Variants in TEX14 observed in about 807,000 individuals in gnomAD.
TEX14 encodes testis expressed 14, intercellular bridge forming factor.
In TEX14, 168 loss-of-function variants were observed where a neutral mutation model predicts 178.6. The observed-to-expected ratio is 0.94, with a 90% CI of 0.83 to 1.07. The LOEUF (loss-of-function observed/expected upper bound fraction) is 1.07, where lower values mean the gene tolerates loss of function less well. Ranked by LOEUF, TEX14 falls within the 50% of genes least tolerant of loss-of-function variation. TEX14 has a pLI of 0.00. For missense variants in TEX14, 1,730 were observed against 1,753.6 expected, an observed-to-expected ratio of 0.99 and a Z score of 0.24; for synonymous variants, 626 against 634.1, an observed-to-expected ratio of 0.99 and a Z score of 0.19.
chr17:58,621,912 G>T, intron 4 of TEX14, 126 bp from the exon 5 acceptor site: 1 of 1,065,946 alleles, frequency 9.4e-7, no homozygotes. Context: ...CAAAAGGAAA[G>T]GGCCCAGGTG....
chr17:58,582,154 G>A (rs1746256669), intron 19 of TEX14, among the ~76,000 whole-genome samples: 1 of 152,158 alleles, frequency 6.6e-6, no homozygotes, highest in Admixed American at 6.5e-5. Context: ...CAGAACCTGT[G>A]AGTCCCTTGA....
intron 22 of TEX14, among the ~76,000 whole-genome samples, chr17:58,573,621 T>A (rs953698778): frequency 6.6e-6 from 1 of 152,046 alleles, no homozygotes; most frequent in Non-Finnish European, 1.5e-5. Flanking sequence ...CGGGTTCAAG[T>A]GATTCTCCTG....
At chr17:58,558,656 T>C (rs1037584728) in intron 30 of TEX14, among the ~76,000 whole-genome samples, 1 of 152,146 alleles carries the variant, frequency 6.6e-6, no homozygotes, top group African/African-American at 2.4e-5. Flanking sequence ...TCTCTTACTT[T>C]CCTGAGTAGG....
intron 1 of TEX14, among the ~76,000 whole-genome samples, chr17:58,691,443 C>A (rs28743180): frequency 4.6e-5 from 7 of 151,504 alleles, no homozygotes; most frequent in Non-Finnish European, 7.4e-5. Flanking sequence ...CCGAGGCAGG[C>A]GGATCACGAG....
At chr17:58,675,982 T>C (rs2047387899) in intron 1 of TEX14, among the ~76,000 whole-genome samples, 1 of 152,118 alleles carries the variant, frequency 6.6e-6, no homozygotes, top group African/African-American at 2.4e-5. Flanking sequence ...CTCACACATG[T>C]ATATCCCAGC....
chr17:58,667,326 C>T (rs114178216), intron 1 of TEX14, among the ~76,000 whole-genome samples: 2,232 of 152,288 alleles, frequency 0.015, 46 homozygotes, highest in African/African-American at 0.051. Context: ...ACTTGTTCCT[C>T]AGTTTGTAAA....
At chr17:58,668,934 G>A (rs557786894) in intron 1 of TEX14, among the ~76,000 whole-genome samples, 16 of 152,160 alleles carry the variant, frequency 1.1e-4, no homozygotes, top group Non-Finnish European at 2.2e-4. Flanking sequence ...TTTGTTCCGG[G>A]TATATATCAA....
chr17:58,632,849 G>T (rs1045033014), intron 2 of TEX14, among the ~76,000 whole-genome samples: 3 of 152,144 alleles, frequency 2.0e-5, no homozygotes, highest in Non-Finnish European at 4.4e-5. Flanking sequence ...TAACCTCATA[G>T]TACTCGACCA....
intron 2 of TEX14, chr17:58,631,882 AT>A (rs753253055): frequency 6.6e-6 from 1 of 152,330 alleles, no homozygotes; most frequent in East Asian, 1.9e-4. Context: ...ACTCACACAT[AT>A]TATGCTGATG....
intron 1 of TEX14, among the ~76,000 whole-genome samples, chr17:58,691,351 G>C (rs2047715792): frequency 6.6e-6 from 1 of 151,896 alleles, no homozygotes; most frequent in Non-Finnish European, 1.5e-5. Context: ...TTCTAAGCTG[G>C]GAAGAAAAGT....
intron 1 of TEX14, among the ~76,000 whole-genome samples, chr17:58,691,530 G>C (rs1598444975): frequency 6.6e-6 from 1 of 152,114 alleles, no homozygotes; most frequent in South Asian, 2.1e-4. Flanking sequence ...AGCCGGGCAT[G>C]GTGGCGTGCG....
intron 15 of TEX14, 104 bp from the exon 16 acceptor site, chr17:58,588,125 A>C: frequency 1.6e-6 from 1 of 640,786 alleles, no homozygotes; most frequent in East Asian, 2.7e-5. Context: ...TTTCAGAGGT[A>C]GAAGAAACCC....
At chr17:58,618,123 T>C (rs2045916442) in intron 5 of TEX14, among the ~76,000 whole-genome samples, 1 of 152,204 alleles carries the variant, frequency 6.6e-6, no homozygotes, top group Non-Finnish European at 1.5e-5. Flanking sequence ...GCAACTTCAT[T>C]AGAAACTCTG....
In TEX14 at chr17:58,599,632, TA is replaced by T; in HGVS notation, c.1712del (p.Leu571TyrfsTer7). 1.2e-6 allele frequency: 2 copies of T among 1,612,716 alleles called. No homozygotes were observed. The highest frequency in any genetic ancestry group is 1.7e-6 in the Non-Finnish European group (2 of 1,179,868). On this transcript the variant is annotated frameshift_variant, in exon 14 of 32. Transcript: ENST00000349033. LOFTEE classifies it high-confidence loss of function. ...GAGGATCTAGTGTCCCCTCAGTGAA[TA>T]AAGAGTGAACCCTTGGTGAATGAGG... The part of the protein sequence containing the change: ...SQPHSPRVHS[L>X]FTEGTLDPQA...
At position 58,616,420 on chromosome 17, in the gene TEX14, T is replaced by C. The variant is rs965094665; in HGVS notation, c.637-115A>G. On this transcript the variant is annotated intron_variant, in intron 6 of 31. Coordinates refer to ENST00000349033, the MANE Select transcript of TEX14 (RefSeq NM_031272.5). ...AGCTGCTATTTATCAACTTTCTGAA[T>C]ACCCCTATGCACTGGGCCTTTTTTT... is the stretch of plus-strand genomic sequence containing the variant. The C allele has an allele frequency of 2.2e-6, 3 of 1,359,794 alleles. No individual in the cohort carries two copies. The African/African-American group carries it at 4.6e-5, about 21-fold the overall frequency. The allele number at this position is 1,359,794 out of a possible 1,614,324, so 84.2% of individuals were successfully genotyped here. A position where few individuals can be genotyped will look rare whatever the true frequency, so the allele number is the denominator to read the frequency against.
intron 19 of TEX14, among the ~76,000 whole-genome samples, chr17:58,583,722 T>C (rs2044880185): frequency 6.6e-6 from 1 of 152,224 alleles, no homozygotes; most frequent in African/African-American, 2.4e-5. Context: ...CTTTCCTGCC[T>C]AGGCCTGCTT....
chr17:58,594,312 T>C (rs1159613415), intron 14 of TEX14, among the ~76,000 whole-genome samples: 1 of 151,984 alleles, frequency 6.6e-6, no homozygotes, highest in Non-Finnish European at 1.5e-5. Flanking sequence ...GGCCCTTGGG[T>C]TCTAGTCTAA....
intron 2 of TEX14, among the ~76,000 whole-genome samples, chr17:58,647,544 G>C (rs2046740534): frequency 6.7e-6 from 1 of 150,078 alleles, no homozygotes; most frequent in Non-Finnish European, 1.5e-5. Flanking sequence ...AGAAAAAAAA[G>C]TGGATTCTGC....
chr17:58,666,592 CCA>C (rs2047214367), intron 1 of TEX14: 1 of 151,970 alleles, frequency 6.6e-6, no homozygotes, highest in African/African-American at 2.4e-5. Flanking sequence ...CTGTAGTTAC[CCA>C]CATTTGGGGA....
Sources: gnomAD v4.1 joint callset for allele counts (sites outside exome capture counted in the v4.1 genomes callset) on GRCh38, gnomAD v4.1.1 for gene constraint, MANE v1.5 for transcripts, NCBI Gene and HGNC (gene_info 2026-07-23, HGNC 2026-07-21) for gene names.